LANCL3: variants seen among roughly 807,000 people sequenced by gnomAD.
LANCL3 encodes LanC like family member 3, also known as lanC-like protein 3.
In LANCL3, 19 loss-of-function variants were observed where a neutral mutation model predicts 26.5. The ratio of observed to expected loss-of-function variants is 0.72; its 90% CI spans 0.50 to 1.05. LANCL3 has a LOEUF of 1.05. Among genes scored for constraint, LANCL3 ranks in the 50% least tolerant of loss-of-function variants. The pLI, the probability that LANCL3 is intolerant of heterozygous loss-of-function variation, is 0.00. For missense variants in LANCL3, 318 were observed against 362.7 expected, an observed-to-expected ratio of 0.88 and a Z score of 1.00; for synonymous variants, 160 against 166.6, an observed-to-expected ratio of 0.96 and a Z score of 0.30.
At chrX:37,629,219 T>A (rs1925406922) in intron 1 of LANCL3, among the ~76,000 whole-genome samples, 1 of 109,389 alleles carries the variant, frequency 9.1e-6, no homozygotes, top group African/African-American at 3.3e-5. Flanking sequence ...CATTTTTTCA[T>A]GTGTTTTTTG....
intron 1 of LANCL3, among the ~76,000 whole-genome samples, chrX:37,584,429 C>T: frequency 9.1e-6 from 1 of 110,095 alleles, no homozygotes; most frequent in East Asian, 2.8e-4. Flanking sequence ...TAGAATTCGG[C>T]TGTGAATCCA....
rs1295540170 is a variant in LANCL3 at position 37,676,191 on chromosome X, T to C, written c.*378T>C. ...GAATGAGAATTTGACCATTTGTGTG[T>C]GCCCTCTACCCTTAAATTCAGAAAT... is the stretch of plus-strand genomic sequence containing the variant. On this transcript the variant is annotated 3_prime_UTR_variant, in exon 5 of 5. Transcript: ENST00000378619. 8.5e-6 allele frequency: 1 copy of C among 117,899 alleles called. No individual in the cohort carries two copies. The highest frequency in any genetic ancestry group is 9.3e-5 in the Admixed American group (1 of 10,752). 9.7% of individuals were successfully genotyped at this position (117,899 alleles called of 1,213,427 possible).
intron 1 of LANCL3, among the ~76,000 whole-genome samples, chrX:37,638,049 T>TGA (rs781858663): frequency 1.1e-4 from 12 of 108,508 alleles, no homozygotes; most frequent in Non-Finnish European, 2.3e-4. Flanking sequence ...AAACTTGGAA[T>TGA]GAGAGAGAGA....
At chrX:37,645,829 C>G (rs931705993) in intron 1 of LANCL3, among the ~76,000 whole-genome samples, 1 of 111,953 alleles carries the variant, frequency 8.9e-6, no homozygotes, top group Non-Finnish European at 1.9e-5. Context: ...GTAACAGAAT[C>G]CTGGCCCCAT....
intron 1 of LANCL3, among the ~76,000 whole-genome samples, chrX:37,646,288 A>G (rs1028645100): frequency 4.4e-5 from 5 of 112,465 alleles, no homozygotes; most frequent in Non-Finnish European, 9.4e-5. Flanking sequence ...AGCTTGCTCA[A>G]CACCTTTTCT....
In LANCL3 at chrX:37,572,385, T is replaced by G; in HGVS notation, c.515T>G (p.Val172Gly). 8.5e-7 allele frequency: 1 copy of G among 1,174,917 alleles called. No individual in the cohort carries two copies. Among genetic ancestry groups the G allele is most frequent in the South Asian group, 1.9e-5 (1 of 53,225 alleles). ...GAGTGCGGCTCCGACGAGCTGTTCG[T>G]GGGCCGCGCGGGTTACCTGTGTGCC... Reference protein sequence around the residue: ...FLECGSDELFVGRAGYLCAAL... With the variant: ...FLECGSDELFGGRAGYLCAAL... The change falls in exon 1 of 5, where the codon GTG becomes GGG. Residue 172 changes from valine to glycine, a missense_variant. Coordinates refer to ENST00000378619, the MANE Select transcript of LANCL3 (RefSeq NM_001170331.2).
chrX:37,636,415 T>C (rs1925707083), intron 1 of LANCL3, among the ~76,000 whole-genome samples: 2 of 112,446 alleles, frequency 1.8e-5, no homozygotes, highest in African/African-American at 6.5e-5. Context: ...GCTGAAGTAA[T>C]TTACATTCCT....
chrX:37,598,055 A>G (rs1924485475), intron 1 of LANCL3, among the ~76,000 whole-genome samples: 1 of 110,594 alleles, frequency 9.0e-6, no homozygotes, highest in Non-Finnish European at 1.9e-5. Context: ...TATATTCTGG[A>G]TATGAGTCCC....
At chrX:37,601,571 A>G (rs1414243138) in intron 1 of LANCL3, among the ~76,000 whole-genome samples, 1 of 112,215 alleles carries the variant, frequency 8.9e-6, no homozygotes, top group Non-Finnish European at 1.9e-5. Context: ...AAATAGGGTT[A>G]TTTTTCTAAT....
At chrX:37,581,931 G>A (rs181978729) in intron 1 of LANCL3, among the ~76,000 whole-genome samples, 46 of 108,405 alleles carry the variant, frequency 4.2e-4, no homozygotes, top group Admixed American at 1.8e-3. Context: ...TCCCTCCCCC[G>A]TCCCCACATC....
intron 1 of LANCL3, among the ~76,000 whole-genome samples, chrX:37,576,876 G>C (rs1556416466): frequency 8.9e-6 from 1 of 111,922 alleles, no homozygotes; most frequent in East Asian, 2.8e-4. Flanking sequence ...TCCAGGCAGA[G>C]GGCAAGAGCC....
chrX:37,590,655 G>A (rs1424945710), intron 1 of LANCL3, among the ~76,000 whole-genome samples: 2 of 111,884 alleles, frequency 1.8e-5, no homozygotes, highest in East Asian at 5.6e-4. Flanking sequence ...CCCTAATCGG[G>A]GCTGGGGGTG....
At chrX:37,631,940 G>T (rs1302692076) in intron 1 of LANCL3, among the ~76,000 whole-genome samples, 1 of 110,746 alleles carries the variant, frequency 9.0e-6, no homozygotes, top group Non-Finnish European at 1.9e-5. Context: ...TTGATTTGGG[G>T]TGGAGAGTTC....
chrX:37,631,758 G>T (rs1277343433), intron 1 of LANCL3, among the ~76,000 whole-genome samples: 2 of 111,179 alleles, frequency 1.8e-5, no homozygotes, highest in East Asian at 5.6e-4. Context: ...GTAGTTGAGC[G>T]GTTTTGAGTG....
intron 1 of LANCL3, among the ~76,000 whole-genome samples, chrX:37,596,352 G>A (rs181674420): frequency 3.2e-4 from 36 of 111,924 alleles, no homozygotes; most frequent in African/African-American, 1.1e-3. Context: ...CTTCTTAGAG[G>A]TTCTACTAAA....
intron 1 of LANCL3, among the ~76,000 whole-genome samples, chrX:37,612,007 C>A (rs943046668): frequency 2.7e-5 from 3 of 110,701 alleles, no homozygotes; most frequent in Non-Finnish European, 5.7e-5. Flanking sequence ...GTGGCACGAT[C>A]TCGGCTCACT....
intron 1 of LANCL3, among the ~76,000 whole-genome samples, chrX:37,620,494 A>T (rs993319336): frequency 1.8e-5 from 2 of 111,953 alleles, no homozygotes; most frequent in Non-Finnish European, 3.8e-5. Context: ...AAATGGGGAT[A>T]AGCTGCAGAG....
chrX:37,640,073 T>C (rs1925823664), intron 1 of LANCL3, among the ~76,000 whole-genome samples: 1 of 112,178 alleles, frequency 8.9e-6, no homozygotes, highest in African/African-American at 3.2e-5. Flanking sequence ...TAACAAATTA[T>C]GGACAGTGGC....
chrX:37,635,417 C>A lies in LANCL3; in HGVS notation c.574-20271C>A, dbSNP rs782805417. Among the ~76,000 whole-genome samples, 118 of 111,632 alleles carry A rather than the reference C, an allele frequency of 1.1e-3. 2 individuals carry two copies. The highest frequency in any genetic ancestry group is 3.6e-3 in the African/African-American group (112 of 30,733). On this transcript the variant is annotated intron_variant, in intron 1 of 4. Coordinates refer to ENST00000378619, the MANE Select transcript of LANCL3 (RefSeq NM_001170331.2). ...GTAACATGAATATATATTCTGTAAA[C>A]AAATATCTAAACATTTCCCCACACA... is the stretch of plus-strand genomic sequence containing the variant.
Sources: gnomAD v4.1 joint callset for allele counts (sites outside exome capture counted in the v4.1 genomes callset) on GRCh38, gnomAD v4.1.1 for gene constraint, MANE v1.5 for transcripts, NCBI Gene and HGNC (gene_info 2026-07-23, HGNC 2026-07-21) for gene names.